The following CYB5R4 variants were observed in gnomAD, a reference collection of about 807,000 sequenced individuals.
The protein encoded by CYB5R4 is N-terminal cytochrome b5 and cytochrome b5 oxidoreductase domain-containing protein.
In CYB5R4, 55 loss-of-function variants were observed where a neutral mutation model predicts 70.2. That is an observed-to-expected ratio of 0.78 (90% CI 0.63 to 0.98). CYB5R4 has a LOEUF of 0.98. Among genes scored for constraint, CYB5R4 ranks in the 50% least tolerant of loss-of-function variants. CYB5R4 has a pLI of 0.00. For missense variants in CYB5R4, 562 were observed against 612.6 expected, an observed-to-expected ratio of 0.92 and a Z score of 0.87; for synonymous variants, 197 against 199.5, an observed-to-expected ratio of 0.99 and a Z score of 0.11.
At chr6:83,952,838 C>G (rs531404293) in intron 14 of CYB5R4, among the ~76,000 whole-genome samples, 1 of 152,254 alleles carries the variant, frequency 6.6e-6, no homozygotes, top group East Asian at 1.9e-4. Context: ...GTAGTGCTGA[C>G]AGGCTCTGTG....
At chr6:83,887,520 T>C (rs2099460444) in intron 2 of CYB5R4, among the ~76,000 whole-genome samples, 2 of 152,196 alleles carry the variant, frequency 1.3e-5, no homozygotes, top group African/African-American at 2.4e-5. Flanking sequence ...GTGTAGTTAT[T>C]GTTCTGAATA....
At chr6:83,873,730 T>C (rs1267304901) in intron 2 of CYB5R4, among the ~76,000 whole-genome samples, 1 of 152,110 alleles carries the variant, frequency 6.6e-6, no homozygotes. Flanking sequence ...AATACAAATT[T>C]AAAATAGAGA....
At chr6:83,923,500 G>C (rs1004330033) in intron 9 of CYB5R4, among the ~76,000 whole-genome samples, 3 of 152,004 alleles carry the variant, frequency 2.0e-5, no homozygotes, top group African/African-American at 7.2e-5. Flanking sequence ...TCACTATAGG[G>C]GAGAGCAGAA....
chr6:83,906,111 G>A (rs2099463719), intron 3 of CYB5R4, among the ~76,000 whole-genome samples: 1 of 152,178 alleles, frequency 6.6e-6, no homozygotes. Flanking sequence ...GGTGGAGGGA[G>A]ACAGCAGTTG....
At chr6:83,900,436 A>G (rs532326789) in intron 3 of CYB5R4, among the ~76,000 whole-genome samples, 1 of 152,252 alleles carries the variant, frequency 6.6e-6, no homozygotes, top group South Asian at 2.1e-4. Flanking sequence ...AGAAGAATGT[A>G]TATTCTGTTG....
intron 14 of CYB5R4, among the ~76,000 whole-genome samples, chr6:83,947,458 A>G (rs996978918): frequency 3.3e-5 from 5 of 152,180 alleles, no homozygotes; most frequent in African/African-American, 1.2e-4. Context: ...CTAGAAGAAA[A>G]CTTAGGCAGT....
chr6:83,947,082 AG>A (rs1160573845), intron 14 of CYB5R4, among the ~76,000 whole-genome samples: 1 of 152,210 alleles, frequency 6.6e-6, no homozygotes, highest in Non-Finnish European at 1.5e-5. Flanking sequence ...GAACCAAAAA[AG>A]AGCTCGTATA....
At chr6:83,934,239 A>T (rs968947263) in intron 10 of CYB5R4, among the ~76,000 whole-genome samples, 32 of 151,646 alleles carry the variant, frequency 2.1e-4, no homozygotes, top group African/African-American at 7.7e-4. Context: ...TTAAAAAAAA[A>T]TTAAAAAAAA....
chr6:83,870,970 G>A (rs1259871143), intron 2 of CYB5R4, among the ~76,000 whole-genome samples: 31 of 112,962 alleles, frequency 2.7e-4, no homozygotes, highest in Non-Finnish European at 5.0e-4. Context: ...TTCATTGTTT[G>A]CTTTTTTTTT....
chr6:83,897,951 A>G (rs2099462184), intron 3 of CYB5R4, among the ~76,000 whole-genome samples: 1 of 152,028 alleles, frequency 6.6e-6, no homozygotes, highest in African/African-American at 2.4e-5. Context: ...GATGTTTTAG[A>G]CATGAAGTCC....
chr6:83,921,282 T>C, intron 8 of CYB5R4, 107 bp downstream of exon 8: 1 of 1,029,314 alleles, frequency 9.7e-7, no homozygotes, highest in Non-Finnish European at 1.3e-6. Flanking sequence ...GCTGTTACCA[T>C]TTTGGTTTGT....
intron 3 of CYB5R4, among the ~76,000 whole-genome samples, chr6:83,903,377 AT>A (rs1204089792): frequency 6.6e-6 from 1 of 152,056 alleles, no homozygotes; most frequent in Admixed American, 6.5e-5. Context: ...ATTCCACTTC[AT>A]CATGTTTTAT....
At chr6:83,888,956 G>A (rs1429069685) in intron 2 of CYB5R4, among the ~76,000 whole-genome samples, 1 of 152,214 alleles carries the variant, frequency 6.6e-6, no homozygotes, top group Non-Finnish European at 1.5e-5. Context: ...AGCTTTAGTG[G>A]TGTGGATAGA....
In CYB5R4 at chr6:83,859,690, G is replaced by A; in HGVS notation, c.-93G>A. 7.1e-7 allele frequency: 1 copy of A among 1,414,194 alleles called. No individual in the cohort carries two copies. Among genetic ancestry groups the A allele is most frequent in the Non-Finnish European group, 9.8e-7 (1 of 1,019,446 alleles). 87.6% of individuals were successfully genotyped at this position (1,414,194 alleles called of 1,614,324 possible). ...CTGGCGACCCCGGAAGTGGGTCGGG[G>A]GCTTGGCCTCTGCCCGGCCACAGAG... On this transcript the variant is annotated 5_prime_UTR_variant, in exon 1 of 16. Coordinates refer to ENST00000369681, the MANE Select transcript of CYB5R4 (RefSeq NM_016230.4).
chr6:83,964,675 A>T lies in CYB5R4; in HGVS notation c.*4797A>T, dbSNP rs940909102. On this transcript the variant is annotated 3_prime_UTR_variant, in exon 16 of 16. Coordinates refer to ENST00000369681, the MANE Select transcript of CYB5R4 (RefSeq NM_016230.4). The stretch of plus-strand genomic sequence containing the variant: ...ATTTGCATAAGTAACAAGGAACTGA[A>T]TGTTAATTTCCAAGACAATGGGGAA... 6.6e-6 allele frequency: 1 copy of T among 152,228 alleles called. No homozygotes were observed. Among genetic ancestry groups the T allele is most frequent in the South Asian group, 2.1e-4 (1 of 4,832 alleles). 9.4% of individuals were successfully genotyped at this position (152,228 alleles called of 1,614,324 possible). A position where few individuals can be genotyped will look rare whatever the true frequency, so the allele number is the denominator to read the frequency against.
At chr6:83,891,835 A>G (rs560309595) in intron 2 of CYB5R4, among the ~76,000 whole-genome samples, 1 of 152,344 alleles carries the variant, frequency 6.6e-6, no homozygotes, top group East Asian at 1.9e-4. Context: ...TGTGCTCATC[A>G]TGGATAGCTA....
intron 10 of CYB5R4, among the ~76,000 whole-genome samples, chr6:83,925,931 C>G (rs910386790): frequency 1.3e-5 from 2 of 152,140 alleles, no homozygotes; most frequent in African/African-American, 4.8e-5. Flanking sequence ...TTTTTAACTT[C>G]TATAAATCCT....
chr6:83,859,704 C>A lies in CYB5R4; in HGVS notation c.-79C>A. On this transcript the variant is annotated 5_prime_UTR_variant, in exon 1 of 16. Coordinates refer to ENST00000369681, the MANE Select transcript of CYB5R4 (RefSeq NM_016230.4). Reference sequence around the variant, plus strand: ...AGTGGGTCGGGGGCTTGGCCTCTGCCCGGCCACAGAGCCGGAGCTGGAGGT... The same window carrying A: ...AGTGGGTCGGGGGCTTGGCCTCTGCACGGCCACAGAGCCGGAGCTGGAGGT... The A allele has an allele frequency of 6.6e-7, 1 of 1,520,742 alleles. No homozygotes were observed. The highest frequency in any genetic ancestry group is 9.0e-7 in the Non-Finnish European group (1 of 1,108,694). The allele number at this position is 1,520,742 out of a possible 1,614,324, so 94.2% of individuals were successfully genotyped here.
intron 2 of CYB5R4, among the ~76,000 whole-genome samples, chr6:83,890,556 A>G (rs2099460974): frequency 6.6e-6 from 1 of 152,218 alleles, no homozygotes; most frequent in African/African-American, 2.4e-5. Context: ...ATAATATTAC[A>G]TACACTTAGT....
Sources: allele counts gnomAD v4.1 joint callset (sites outside exome capture counted in the v4.1 genomes callset), GRCh38; gene constraint gnomAD v4.1.1; transcripts MANE v1.5; gene names NCBI Gene and HGNC (gene_info 2026-07-23, HGNC 2026-07-21).